NRDC: variants seen among roughly 807,000 people sequenced by gnomAD.
NRDC encodes nardilysin.
A neutral mutation model predicts 147.1 loss-of-function variants in NRDC; 54 were observed. That is an observed-to-expected ratio of 0.37 (90% CI 0.29 to 0.46). The LOEUF (loss-of-function observed/expected upper bound fraction) is 0.46. Among genes scored for constraint, NRDC ranks in the 20% least tolerant of loss-of-function variants. The pLI is 1.00. For synonymous variants in NRDC, 440 were observed against 482.1 expected, an observed-to-expected ratio of 0.91 and a Z score of 1.14; for missense variants, 1,082 against 1,370.6, an observed-to-expected ratio of 0.79 and a Z score of 3.33.
intron 4 of NRDC, among the ~76,000 whole-genome samples, chr1:51,829,745 A>T (rs1300179136): frequency 6.6e-6 from 1 of 151,948 alleles, no homozygotes; most frequent in Non-Finnish European, 1.5e-5. Flanking sequence ...TTTGGGTTAT[A>T]TATGTTCTTT....
At chr1:51,874,480 G>C (rs1391988445) in intron 1 of NRDC, among the ~76,000 whole-genome samples, 1 of 152,042 alleles carries the variant, frequency 6.6e-6, no homozygotes, top group Non-Finnish European at 1.5e-5. Context: ...ATGATGGCAC[G>C]TGCCTGTAGT....
chr1:51,820,985 C>A (rs1051122041), intron 8 of NRDC, among the ~76,000 whole-genome samples: 1 of 152,056 alleles, frequency 6.6e-6, no homozygotes, highest in African/African-American at 2.4e-5. Flanking sequence ...TGAAACTCGA[C>A]ATACAATTTC....
intron 1 of NRDC, among the ~76,000 whole-genome samples, chr1:51,868,291 T>C (rs1366961729): frequency 1.3e-5 from 2 of 151,734 alleles, no homozygotes; most frequent in African/African-American, 4.8e-5. Flanking sequence ...AAGGGACGAT[T>C]GAAAGAAAAC....
At chr1:51,820,389 A>C (rs1353546258) in intron 8 of NRDC, among the ~76,000 whole-genome samples, 1 of 152,186 alleles carries the variant, frequency 6.6e-6, no homozygotes, top group East Asian at 1.9e-4. Flanking sequence ...ATTAGTATTA[A>C]ATGCCTCAAA....
chr1:51,800,738 G>A (rs909726704), intron 20 of NRDC, 55 bp from the exon 21 acceptor site: 3 of 1,563,586 alleles, frequency 1.9e-6, no homozygotes, highest in Middle Eastern at 1.8e-4. Flanking sequence ...CTAGGTATTA[G>A]GGAGGGAAAT....
intron 1 of NRDC, 65 bp downstream of exon 1, chr1:51,878,210 G>T: frequency 2.6e-6 from 4 of 1,517,696 alleles, no homozygotes; most frequent in South Asian, 1.2e-5. Flanking sequence ...GACAAGAAGT[G>T]ACGGCGGCAC....
At chr1:51,868,451 C>G (rs1386608383) in intron 1 of NRDC, among the ~76,000 whole-genome samples, 3 of 152,112 alleles carry the variant, frequency 2.0e-5, no homozygotes, top group Non-Finnish European at 4.4e-5. Flanking sequence ...TGGACATTAC[C>G]TGCCATTATG....
chr1:51,869,981 C>T (rs182636942), intron 1 of NRDC, among the ~76,000 whole-genome samples: 34 of 152,316 alleles, frequency 2.2e-4, no homozygotes, highest in Admixed American at 9.8e-4. Context: ...CTACTGGGCT[C>T]AAGCCATCCT....
chr1:51,837,968 A>C (rs1338385016), intron 2 of NRDC, among the ~76,000 whole-genome samples: 2 of 152,224 alleles, frequency 1.3e-5, no homozygotes, highest in Admixed American at 1.3e-4. Context: ...AACTTAGATC[A>C]TAAAACCACT....
chr1:51,816,425 A>G, intron 10 of NRDC, 36 bp from the exon 11 acceptor site: 1 of 1,311,336 alleles, frequency 7.6e-7, no homozygotes, highest in Non-Finnish European at 1.1e-6. Flanking sequence ...AGAAAAAAAC[A>G]AAAGGTATAA....
At position 51,834,142 on chromosome 1, in the gene NRDC, T is replaced by C. The variant is rs1015440135; in HGVS notation, c.741A>G (p.Pro247=). 5 of 1,613,966 alleles carry C rather than the reference T, an allele frequency of 3.1e-6. No homozygotes were observed. Among genetic ancestry groups the C allele is most frequent in the Non-Finnish European group, 4.2e-6 (5 of 1,180,022 alleles). Residue 247 remains proline (P), a synonymous_variant, in exon 4 of 31, where the codon CCA becomes CCG. Transcript: ENST00000352171. ...HMVFMGSLKY[P]DENGFDAFLK... ...GGAAGGCATCAAATCCATTCTCATC[T>C]GGATATTTCAAACTACCCATGAATA... is the stretch of plus-strand genomic sequence containing the variant.
At chr1:51,834,635 T>C (rs1165919052) in intron 3 of NRDC, among the ~76,000 whole-genome samples, 2 of 152,104 alleles carry the variant, frequency 1.3e-5, no homozygotes, top group Non-Finnish European at 2.9e-5. Flanking sequence ...ACTTTCTTCA[T>C]TACATTTGAT....
chr1:51,840,711 G>C (rs191965119), intron 1 of NRDC, among the ~76,000 whole-genome samples, 197 bp from the exon 2 acceptor site: 38 of 152,328 alleles, frequency 2.5e-4, no homozygotes, highest in Middle Eastern at 3.4e-3. Context: ...TGAACAGCTG[G>C]AGGGAAATGA....
At chr1:51,874,908 G>T (rs1470536444) in intron 1 of NRDC, among the ~76,000 whole-genome samples, 1 of 152,146 alleles carries the variant, frequency 6.6e-6, no homozygotes, top group Admixed American at 6.5e-5. Flanking sequence ...ATCTTTCAAG[G>T]TATTATTTCA....
At chr1:51,802,472 C>G (rs1679256920) in intron 20 of NRDC, among the ~76,000 whole-genome samples, 1 of 152,066 alleles carries the variant, frequency 6.6e-6, no homozygotes, top group Non-Finnish European at 1.5e-5. Flanking sequence ...ATAAGCTCTC[C>G]AGGTAATTCT....
rs1679327690 is a variant in NRDC at position 51,803,872 on chromosome 1, A to C, written c.2255T>G (p.Leu752Arg). 6.2e-7 allele frequency: 1 copy of C among 1,613,958 alleles called. No individual in the cohort carries two copies. Among genetic ancestry groups the C allele is most frequent in the Non-Finnish European group, 8.5e-7 (1 of 1,179,878 alleles). Residue 752 changes from leucine (L) to arginine (R), a missense_variant, in exon 20 of 31, where the codon CTG becomes CGG. Physicochemically the swap from Leu to Arg is moderately radical, Grantham distance 102 (BLOSUM62 -2). Transcript: ENST00000352171. ...AATTAAACCATGTTCTCCAGCTACC[A>C]GTTTATACTCCAGCTGTGCCACATC... The part of the protein sequence containing the change: ...EADVAQLEYK[L>R]VAGEHGLIIR...
intron 2 of NRDC, among the ~76,000 whole-genome samples, chr1:51,839,707 A>G (rs572544137): frequency 1.5e-4 from 23 of 152,268 alleles, no homozygotes; most frequent in African/African-American, 5.3e-4. Flanking sequence ...GCGTTCCCAT[A>G]TAAAGTGCTA....
At chr1:51,812,448 A>G (rs897744501) in intron 14 of NRDC, among the ~76,000 whole-genome samples, 1 of 152,130 alleles carries the variant, frequency 6.6e-6, no homozygotes, top group Non-Finnish European at 1.5e-5. Context: ...GGGATGCTTG[A>G]GCCCAGGAGG....
Position 51,834,567 on chromosome 1 carries a change from C to T in NRDC, c.713-397G>A, listed in dbSNP as rs577168327. Reference sequence around the variant, plus strand: ...CTGACCTCAAGTGATCTGCCCACCTCGGCCTCCCAAAGTGCTGGGATTACA... The same window carrying T: ...CTGACCTCAAGTGATCTGCCCACCTTGGCCTCCCAAAGTGCTGGGATTACA... On this transcript the variant is annotated intron_variant, in intron 3 of 30. Transcript: ENST00000352171. Among the ~76,000 whole-genome samples, 1,217 of 152,198 alleles carry T rather than the reference C, an allele frequency of 8.0e-3. 7 individuals carry two copies. Among genetic ancestry groups the T allele is most frequent in the Non-Finnish European group, 0.012 (828 of 68,008 alleles).
Sources: gnomAD v4.1 joint callset for allele counts (sites outside exome capture counted in the v4.1 genomes callset) on GRCh38, gnomAD v4.1.1 for gene constraint, MANE v1.5 for transcripts, NCBI Gene and HGNC (gene_info 2026-07-23, HGNC 2026-07-21) for gene names.